Variants in ARMC10 observed in about 807,000 individuals in gnomAD.
ARMC10 encodes the protein armadillo repeat containing 10.
ARMC10 carries 23 observed loss-of-function variants against 30.2 expected under a neutral mutation model. That is an observed-to-expected ratio of 0.76 (90% CI 0.55 to 1.08). ARMC10 has a LOEUF of 1.08. Ranked by LOEUF, ARMC10 falls within the 50% of genes least tolerant of loss-of-function variation. The probability of loss-of-function intolerance (pLI) is 0.00; values close to 1 mark genes in which losing one functional copy is unlikely to be tolerated. For synonymous variants in ARMC10, 111 were observed against 164.4 expected (o/e 0.68, Z 2.48); for missense variants, 303 against 413.7 (o/e 0.73, Z 2.32).
intron 3 of ARMC10, among the ~76,000 whole-genome samples, chr7:103,085,278 T>C (rs1166258903): frequency 6.6e-6 from 1 of 152,052 alleles, no homozygotes; most frequent in Non-Finnish European, 1.5e-5. Flanking sequence ...AAAAAAAACT[T>C]TTCTAGTAAC....
At chr7:103,084,909 T>C (rs1800699280) in intron 3 of ARMC10, among the ~76,000 whole-genome samples, 1 of 152,190 alleles carries the variant, frequency 6.6e-6, no homozygotes, top group Non-Finnish European at 1.5e-5. Context: ...CGAGGGACCA[T>C]GGCCCATGTT....
At chr7:103,095,309 C>T (rs922469259) in intron 5 of ARMC10, among the ~76,000 whole-genome samples, 2 of 152,152 alleles carry the variant, frequency 1.3e-5, no homozygotes, top group Non-Finnish European at 2.9e-5. Flanking sequence ...GCCCATGTTG[C>T]TCTTGAACTC....
intron 4 of ARMC10, chr7:103,087,050 C>A: frequency 1.8e-6 from 1 of 555,002 alleles, no homozygotes; most frequent in Non-Finnish European, 2.6e-6. Flanking sequence ...TAGGCACCAA[C>A]CAAATAGTGA....
chr7:103,081,253 C>A (rs1800350638), intron 2 of ARMC10, among the ~76,000 whole-genome samples: 1 of 152,288 alleles, frequency 6.6e-6, no homozygotes, highest in African/African-American at 2.4e-5. Context: ...TGTGCCTCTT[C>A]CCACCAAGTG....
At chr7:103,091,735 T>C (rs1452540603) in intron 4 of ARMC10, among the ~76,000 whole-genome samples, 2 of 152,120 alleles carry the variant, frequency 1.3e-5, no homozygotes, top group Non-Finnish European at 2.9e-5. Flanking sequence ...CGCAGACCAG[T>C]TGAAACCGAA....
intron 2 of ARMC10, among the ~76,000 whole-genome samples, chr7:103,081,298 G>A (rs1303206095): frequency 6.6e-6 from 1 of 152,124 alleles, no homozygotes; most frequent in Non-Finnish European, 1.5e-5. Flanking sequence ...AAATTTTATC[G>A]TTAGTGATTT....
chr7:103,089,234 G>A (rs1486278332), intron 4 of ARMC10: 3 of 248,072 alleles, frequency 1.2e-5, no homozygotes, highest in African/African-American at 2.2e-5. Flanking sequence ...ATCAGAGCTC[G>A]ATATGCAGTA....
At chr7:103,088,656 A>C (rs984443997) in intron 4 of ARMC10, 5 of 198,618 alleles carry the variant, frequency 2.5e-5, no homozygotes, top group Non-Finnish European at 5.8e-5. Flanking sequence ...CCATGAAAGA[A>C]TTAATCATCA....
intron 3 of ARMC10, 147 bp from the exon 4 acceptor site, chr7:103,086,483 A>T (rs947939241): frequency 5.0e-5 from 42 of 833,928 alleles, no homozygotes; most frequent in African/African-American, 9.1e-5. Context: ...AGATTTTTTT[A>T]AAATATGAAT....
At chr7:103,091,838 G>A (rs1801363634) in intron 4 of ARMC10, among the ~76,000 whole-genome samples, 2 of 152,164 alleles carry the variant, frequency 1.3e-5, no homozygotes, top group Non-Finnish European at 2.9e-5. Flanking sequence ...CCCACCTGCT[G>A]TCTGACATTG....
In ARMC10 at chr7:103,099,420, G is replaced by A. The variant is rs1441952497; in HGVS notation, c.*867G>A. 2.8e-5 allele frequency: 4 copies of A among 143,244 alleles called. No homozygotes were observed. The highest frequency in any genetic ancestry group is 6.1e-5 in the Non-Finnish European group (4 of 65,436). The allele number at this position is 143,244 out of a possible 1,614,324, so 8.9% of individuals were successfully genotyped here. On this transcript the variant is annotated 3_prime_UTR_variant, in exon 7 of 7. Transcript: ENST00000323716. The stretch of plus-strand genomic sequence containing the variant: ...CGGGAGGCAGAGGTTGCAGTGAGCT[G>A]AGATAGCGCCATTGCACTCCAGCCT...
chr7:103,078,037 C>T (rs1186945108), intron 2 of ARMC10, among the ~76,000 whole-genome samples: 1 of 152,076 alleles, frequency 6.6e-6, no homozygotes, highest in African/African-American at 2.4e-5. Context: ...ACTCTGTCTC[C>T]CAGGCTGGAG....
At chr7:103,077,621 G>GT (rs1205111176) in intron 2 of ARMC10, among the ~76,000 whole-genome samples, 2 of 152,196 alleles carry the variant, frequency 1.3e-5, no homozygotes, top group African/African-American at 4.8e-5. Context: ...ACCTCTTAAA[G>GT]GCCTTACCTC....
At chr7:103,093,830 C>G (rs1213259612) in intron 5 of ARMC10, among the ~76,000 whole-genome samples, 1 of 152,216 alleles carries the variant, frequency 6.6e-6, no homozygotes, top group African/African-American at 2.4e-5. Context: ...ATATATCTGT[C>G]TCAGACATCG....
chr7:103,090,330 TAATTA>T (rs1177375707), intron 4 of ARMC10, among the ~76,000 whole-genome samples: 3 of 152,236 alleles, frequency 2.0e-5, no homozygotes, highest in Admixed American at 6.5e-5. Context: ...GATGGATGTA[TAATTA>T]AATTGTAACC....
chr7:103,076,658 A>G (rs560413337), intron 2 of ARMC10, among the ~76,000 whole-genome samples: 1 of 152,288 alleles, frequency 6.6e-6, no homozygotes, highest in South Asian at 2.1e-4. Context: ...AACATGGGGA[A>G]GCCCCATCTC....
chr7:103,076,468 G>A (rs1404213), intron 2 of ARMC10, among the ~76,000 whole-genome samples: 135,110 of 152,220 alleles, frequency 0.89, 62,172 homozygotes, highest in East Asian at 1. Flanking sequence ...GTACGCTTTC[G>A]AACAGTAGGC....
intron 5 of ARMC10, among the ~76,000 whole-genome samples, chr7:103,094,252 T>A (rs1053627172): frequency 8.5e-5 from 13 of 152,350 alleles, no homozygotes; most frequent in Middle Eastern, 3.4e-3. Flanking sequence ...TAACATAAAC[T>A]GTGTGCTTGT....
intron 4 of ARMC10, among the ~76,000 whole-genome samples, chr7:103,090,521 C>T (rs1433157679): frequency 1.3e-5 from 2 of 152,064 alleles, no homozygotes; most frequent in African/African-American, 2.4e-5. Context: ...TGTTTTGAGA[C>T]GGAGTCTCAC....
Sources: allele counts gnomAD v4.1 joint callset (sites outside exome capture counted in the v4.1 genomes callset), GRCh38; gene constraint gnomAD v4.1.1; transcripts MANE v1.5; gene names NCBI Gene and HGNC (gene_info 2026-07-23, HGNC 2026-07-21).